SH3D21: variants seen among roughly 807,000 people sequenced by gnomAD.
The protein encoded by SH3D21 is SH3 domain-containing protein 21.
SH3D21 carries 83 observed loss-of-function variants against 82.1 expected under a neutral mutation model. The ratio of observed to expected loss-of-function variants is 1.01; its 90% CI spans 0.85 to 1.21. The LOEUF (loss-of-function observed/expected upper bound fraction) is 1.21. Among genes scored for constraint, SH3D21 ranks in the 50% most tolerant of loss-of-function variants. SH3D21 has a pLI of 0.00. For missense variants in SH3D21, 980 were observed against 962.1 expected (o/e 1.02, Z -0.25); for synonymous variants, 383 against 387.8 (o/e 0.99, Z 0.15).
At chr1:36,309,380 A>G in intron 9 of SH3D21, 168 bp from the exon 10 acceptor site, 1 of 650,704 alleles carries the variant, frequency 1.5e-6, no homozygotes, top group Non-Finnish European at 2.6e-6. Flanking sequence ...TATTTTTAGT[A>G]GAGACGGGAT....
chr1:36,320,547 G>A lies in SH3D21; in HGVS notation c.1884G>A (p.Val628=). The change falls in exon 14 of 16, where the codon GTG becomes GTA. Residue 628 remains valine (V), a synonymous_variant. Coordinates refer to ENST00000453908, the MANE Select transcript of SH3D21 (RefSeq NM_001162530.2). The part of the protein sequence containing the change: ...PKEGVASKEE[V]TLKEELPPKE... ...AGGGAGTGGCTTCCAAAGAGGAGGT[G>A]ACCCTGAAAGAGGAATTGCCCCCTA... is the stretch of plus-strand genomic sequence containing the variant. 1 of 1,614,160 alleles carries A rather than the reference G, an allele frequency of 6.2e-7. No homozygotes were observed.
chr1:36,328,555 A>C (rs950575834), downstream of SH3D21: 4 of 206,932 alleles, frequency 1.9e-5, no homozygotes, highest in Non-Finnish European at 4.0e-5. Flanking sequence ...CAGATCACTG[A>C]AGTCCAGGAG....
chr1:36,320,842 T>C, intron 14 of SH3D21, 44 bp downstream of exon 14: 2 of 1,550,292 alleles, frequency 1.3e-6, no homozygotes, highest in Non-Finnish European at 1.7e-6. Context: ...GGGTTCCCCC[T>C]AGCCCTCACC....
At chr1:36,309,414 C>A in intron 9 of SH3D21, 134 bp from the exon 10 acceptor site, 1 of 976,240 alleles carries the variant, frequency 1.0e-6, no homozygotes, top group Non-Finnish European at 1.5e-6. Context: ...CCAAGCTGGT[C>A]TCGAACTTCT....
At chr1:36,328,074 G>T (rs536028891), downstream of SH3D21, 5 of 460,682 alleles carry the variant, frequency 1.1e-5, no homozygotes, top group African/African-American at 2.0e-5. Context: ...CTGCCTGCTT[G>T]TTGACTGCTT....
At chr1:36,310,892 G>GT (rs1006696792) in intron 10 of SH3D21, among the ~76,000 whole-genome samples, 7 of 151,724 alleles carry the variant, frequency 4.6e-5, no homozygotes, top group East Asian at 1.9e-4. Context: ...GAGACTTGCT[G>GT]TTTTTTTTGG....
At chr1:36,327,809 G>A (rs1646560100), downstream of SH3D21, 3 of 1,280,674 alleles carry the variant, frequency 2.3e-6, no homozygotes, top group Non-Finnish European at 3.1e-6. Flanking sequence ...GAGGCCCTGG[G>A]GAAGGTCCCT....
At chr1:36,310,171 G>A (rs1646210628) in intron 10 of SH3D21, among the ~76,000 whole-genome samples, 1 of 152,064 alleles carries the variant, frequency 6.6e-6, no homozygotes, top group East Asian at 1.9e-4. Flanking sequence ...AGCCAGGATG[G>A]TCTCAATCTC....
chr1:36,322,164 A>T, downstream of SH3D21: 1 of 1,354,754 alleles, frequency 7.4e-7, no homozygotes. Flanking sequence ...GGAGCCTCTC[A>T]GGGGGTGGCG....
downstream of SH3D21, chr1:36,322,642 TGCTGATGACGAGCAG>T (rs1191787114): frequency 1.8e-5 from 28 of 1,544,488 alleles, no homozygotes; most frequent in Non-Finnish European, 2.4e-5. Context: ...GCCCACGAGA[TGCTGATGACGAGCAG>T]GCAGAGGGTG....
rs1410145253 is a variant in SH3D21 at position 36,321,338 on chromosome 1, A to G, written c.*211A>G. 2.1e-6 allele frequency: 3 copies of G among 1,411,562 alleles called. No individual in the cohort carries two copies. The highest frequency in any genetic ancestry group is 2.8e-6 in the Non-Finnish European group (3 of 1,085,986). 87.4% of individuals were successfully genotyped at this position (1,411,562 alleles called of 1,614,324 possible). On this transcript the variant is annotated 3_prime_UTR_variant, in exon 16 of 16. Transcript: ENST00000453908. This position sits in a 1 kb window ranked among gnomAD's most constrained non-coding sequence, Gnocchi z 6.1. ...CACATCTGGCCAACATGTGGCTCCC[A>G]TTACCGTTCCCAAGGCCTGCGCGCG...
chr1:36,310,659 C>T (rs182996558), intron 10 of SH3D21, among the ~76,000 whole-genome samples: 1 of 152,014 alleles, frequency 6.6e-6, no homozygotes, highest in Non-Finnish European at 1.5e-5. Context: ...TGGTATGTCA[C>T]CTAAACCTAA....
In SH3D21 at chr1:36,319,306, G is replaced by A. The variant is rs1186691246; in HGVS notation, c.910G>A (p.Asp304Asn). The A allele has an allele frequency of 3.9e-6, 6 of 1,551,584 alleles. No individual in the cohort carries two copies. In the East Asian group the frequency reaches 1.5e-4, roughly 38 times the overall value. ...SRDSQKLTSR[D>N]SGPNGGFQSG... ...GGACAGTCAGAAGCTCACCTCCCGAGACTCAGGCAAGGGCTGCCTTCCTCC... is the reference window on the plus strand; with the variant it reads ...GGACAGTCAGAAGCTCACCTCCCGAAACTCAGGCAAGGGCTGCCTTCCTCC... Residue 304 changes from aspartate to asparagine, a missense_variant, in exon 12 of 16, where the codon GAC becomes AAC. Asp to Asn is a conservative substitution (Grantham distance 23). Coordinates refer to ENST00000453908, the MANE Select transcript of SH3D21 (RefSeq NM_001162530.2).
chr1:36,317,158 AAC>A (rs1269561145), intron 10 of SH3D21, among the ~76,000 whole-genome samples: 7 of 152,282 alleles, frequency 4.6e-5, no homozygotes, highest in African/African-American at 1.7e-4. Flanking sequence ...CTGGCTGCCA[AAC>A]AGTCTTCTAA....
At chr1:36,310,023 C>T (rs759150553) in intron 10 of SH3D21, among the ~76,000 whole-genome samples, 6 of 152,088 alleles carry the variant, frequency 3.9e-5, no homozygotes, top group African/African-American at 7.2e-5. Flanking sequence ...GGCTCAATCT[C>T]GGCTCACTGC....
In SH3D21 at chr1:36,319,275, C is replaced by T; in HGVS notation, c.879C>T (p.Pro293=). Residue 293 remains proline (P), a synonymous_variant, in exon 12 of 16, where the codon CCC becomes CCT. Coordinates refer to ENST00000453908, the MANE Select transcript of SH3D21 (RefSeq NM_001162530.2). ...TATGTTCCAGGACATCTCGGACACC[C>T]AGCAGGGACAGTCAGAAGCTCACCT... ...GPSKAKTSRT[P]SRDSQKLTSR... The T allele has an allele frequency of 1.3e-6, 2 of 1,551,664 alleles. No homozygotes were observed. The highest frequency in any genetic ancestry group is 1.7e-6 in the Non-Finnish European group (2 of 1,146,984).
rs1305545742 is a variant in SH3D21, at chr1:36,319,166, TAA to T, written c.863+3_863+4del. ...CACCACTGGGCCCAGCAAAGCCAAGTAAGGAGCAGGATGGGGTTGGGGGAAGG... is the reference window on the plus strand; with the variant it reads ...CACCACTGGGCCCAGCAAAGCCAAGTGGAGCAGGATGGGGTTGGGGGAAGG... On this transcript the variant is annotated splice_donor_region_variant and intron_variant, in intron 11 of 15. Transcript: ENST00000453908. The T allele has an allele frequency of 8.4e-6, 13 of 1,550,646 alleles. No homozygotes were observed. The highest frequency in any genetic ancestry group is 1.1e-5 in the Non-Finnish European group (13 of 1,146,420).
rs770067747 is a variant in SH3D21, at chr1:36,319,978, C to G, written c.1315C>G (p.Leu439Val). 6.2e-7 allele frequency: 1 copy of G among 1,614,166 alleles called. No individual in the cohort carries two copies. The highest frequency in any genetic ancestry group is 8.5e-7 in the Non-Finnish European group (1 of 1,180,034). The change falls in exon 14 of 16, where the codon CTG becomes GTG. Residue 439 changes from leucine (L) to valine (V), a missense_variant. Physicochemically the swap from Leu to Val is conservative, Grantham distance 32. Transcript: ENST00000453908. ...PENSIIPEETLTVDKPSTPER... is the reference protein window; with the variant it reads ...PENSIIPEETVTVDKPSTPER... ...GAACTCCATCATCCCAGAGGAGACC[C>G]TGACTGTGGACAAACCCTCCACTCC...
At chr1:36,308,250 G>A in intron 8 of SH3D21, 41 bp downstream of exon 8, 1 of 1,494,450 alleles carries the variant, frequency 6.7e-7, no homozygotes, top group Non-Finnish European at 9.0e-7. Context: ...GGAAGCCGGT[G>A]TTGAGAAAGG....
Sources: allele counts gnomAD v4.1 joint callset (sites outside exome capture counted in the v4.1 genomes callset), GRCh38; gene constraint gnomAD v4.1.1; non-coding constraint Gnocchi (gnomAD v3.1); transcripts MANE v1.5; gene names NCBI Gene and HGNC (gene_info 2026-07-23, HGNC 2026-07-21).